Variants in SAMMSON observed in about 807,000 individuals in gnomAD.
The protein encoded by SAMMSON is survival associated mitochondrial melanoma specific oncogenic non-coding RNA, also known as long intergenic non-protein coding RNA 1212.
intron 3 of SAMMSON, among the ~76,000 whole-genome samples, chr3:70,026,145 T>G (rs1343215408): frequency 6.6e-6 from 1 of 152,204 alleles, no homozygotes; most frequent in Non-Finnish European, 1.5e-5. Context: ...TATTTTATTT[T>G]GCTAAGGTGC....
At chr3:70,084,257 G>T (rs1227687356) in intron 4 of SAMMSON, among the ~76,000 whole-genome samples, 1 of 152,118 alleles carries the variant, frequency 6.6e-6, no homozygotes, top group Non-Finnish European at 1.5e-5. Context: ...TTTATTAGGG[G>T]TTACCTCTAG....
At position 70,195,439 on chromosome 3, in the gene SAMMSON, C is replaced by T. The variant is rs141710715; in HGVS notation, n.508-53668C>T. 9.1e-3 allele frequency among the ~76,000 whole-genome samples: 1,391 copies of T among 152,210 alleles called. 17 individuals are homozygous for T. The highest frequency in any genetic ancestry group is 0.032 in the African/African-American group (1,313 of 41,538). On this transcript the variant is annotated intron_variant and non_coding_transcript_variant, in intron 4 of 9. Transcript: ENST00000642114. ...GAGTGGTTAAATGCCTTTTTAGAGG[C>T]AGTTTACAAATATTTTTAACAGATG...
At chr3:70,105,806 C>T (rs1365525201) in intron 4 of SAMMSON, among the ~76,000 whole-genome samples, 1 of 152,150 alleles carries the variant, frequency 6.6e-6, no homozygotes, top group African/African-American at 2.4e-5. Context: ...TTTTGGGTCT[C>T]TCCTTAGAGG....
At chr3:70,263,176 C>A (rs1007943343) in intron 6 of SAMMSON, among the ~76,000 whole-genome samples, 1 of 151,886 alleles carries the variant, frequency 6.6e-6, no homozygotes, top group Non-Finnish European at 1.5e-5. Flanking sequence ...TGTTTTTAAC[C>A]AACTGATTTT....
intron 6 of SAMMSON, among the ~76,000 whole-genome samples, chr3:70,283,420 CT>C (rs1702108622): frequency 1.3e-5 from 2 of 152,070 alleles, no homozygotes; most frequent in Admixed American, 6.6e-5. Flanking sequence ...GAAATTCTCC[CT>C]GGATACTGTA....
chr3:70,293,888 A>G (rs1444331484), intron 7 of SAMMSON, among the ~76,000 whole-genome samples: 2 of 151,980 alleles, frequency 1.3e-5, no homozygotes, highest in African/African-American at 4.8e-5. Flanking sequence ...TTTTTGTGTT[A>G]CATGTTGAAG....
chr3:70,369,284 C>A (rs903757826), intron 9 of SAMMSON, among the ~76,000 whole-genome samples: 4 of 151,618 alleles, frequency 2.6e-5, no homozygotes, highest in Non-Finnish European at 5.9e-5. Flanking sequence ...TTGGGATTTT[C>A]TCGATAGACA....
intron 4 of SAMMSON, among the ~76,000 whole-genome samples, chr3:70,194,439 A>G (rs1385698752): frequency 6.6e-6 from 1 of 152,144 alleles, no homozygotes; most frequent in Non-Finnish European, 1.5e-5. Context: ...CCAGCTGCGT[A>G]TGTTTTATTG....
At chr3:70,208,631 G>A (rs753519944) in intron 4 of SAMMSON, among the ~76,000 whole-genome samples, 35 of 152,128 alleles carry the variant, frequency 2.3e-4, no homozygotes, top group Middle Eastern at 3.4e-3. Context: ...GAACCACGAT[G>A]CCAGGGATCT....
chr3:70,414,376 C>T (rs1183807774), intron 2 of SAMMSON, among the ~76,000 whole-genome samples: 1 of 152,004 alleles, frequency 6.6e-6, no homozygotes, highest in Admixed American at 6.6e-5. Flanking sequence ...AGGAAAATAA[C>T]TAAAAAGTAA....
intron 4 of SAMMSON, among the ~76,000 whole-genome samples, chr3:70,122,782 A>G (rs1217038071): frequency 6.6e-6 from 1 of 152,228 alleles, no homozygotes. Flanking sequence ...TTGCAAAATA[A>G]GTTTTTTATC....
intron 6 of SAMMSON, among the ~76,000 whole-genome samples, chr3:70,253,897 T>A (rs944052402): frequency 3.3e-5 from 5 of 152,160 alleles, no homozygotes; most frequent in Admixed American, 3.3e-4. Context: ...TTTTTAAACA[T>A]ACTAAAAATG....
chr3:70,418,973 C>CCTTT (rs1701288083), intron 2 of SAMMSON, among the ~76,000 whole-genome samples: 2 of 28,002 alleles, frequency 7.1e-5, no homozygotes, highest in Non-Finnish European at 1.7e-4. Flanking sequence ...TCCTTTCCTT[C>CCTTT]CTTCCTTCTC....
chr3:70,417,761 T>A (rs1320394229), intron 2 of SAMMSON, among the ~76,000 whole-genome samples: 3 of 152,094 alleles, frequency 2.0e-5, no homozygotes, highest in Admixed American at 2.0e-4. Context: ...AGAGATTCTG[T>A]CTCTCTCCTA....
intron 6 of SAMMSON, among the ~76,000 whole-genome samples, chr3:70,278,124 C>A (rs1392918118): frequency 2.0e-5 from 3 of 152,118 alleles, no homozygotes; most frequent in African/African-American, 7.2e-5. Context: ...AGCACCTTTG[C>A]CCCCAACTTC....
At chr3:70,360,012 T>C (rs981291964) in intron 9 of SAMMSON, among the ~76,000 whole-genome samples, 1 of 152,102 alleles carries the variant, frequency 6.6e-6, no homozygotes. Context: ...TCTGAGGAAT[T>C]TGAGCTAGTA....
intron 4 of SAMMSON, chr3:70,204,410 T>C (rs1233671713): frequency 6.6e-6 from 1 of 152,170 alleles, no homozygotes; most frequent in East Asian, 1.9e-4. Context: ...TTGTTTGCTG[T>C]TTAGGATAAT....
intron 4 of SAMMSON, among the ~76,000 whole-genome samples, chr3:70,196,391 A>G (rs910260980): frequency 2.6e-5 from 4 of 152,182 alleles, no homozygotes; most frequent in Admixed American, 6.5e-5. Context: ...TTCCTACCTA[A>G]ACTGTACATA....
At chr3:70,268,850 A>G (rs892467404) in intron 6 of SAMMSON, among the ~76,000 whole-genome samples, 1 of 152,194 alleles carries the variant, frequency 6.6e-6, no homozygotes, top group Non-Finnish European at 1.5e-5. Context: ...TGTATCAATA[A>G]ATTTATAAAA....
Sources: allele counts gnomAD v4.1 joint callset (sites outside exome capture counted in the v4.1 genomes callset), GRCh38; gene constraint gnomAD v4.1.1; transcripts MANE v1.5; gene names NCBI Gene and HGNC (gene_info 2026-07-23, HGNC 2026-07-21).